P2RX1: variants seen among roughly 807,000 people sequenced by gnomAD.
P2RX1 encodes the protein purinergic receptor P2X 1, also known as P2X purinoceptor 1.
P2RX1 carries 42 observed loss-of-function variants against 50.3 expected under a neutral mutation model. The observed-to-expected ratio is 0.83, with a 90% CI of 0.65 to 1.08. P2RX1 has a LOEUF of 1.08. P2RX1 is among the 50% of genes least tolerant of loss of function. The pLI is 0.00. For synonymous variants in P2RX1, 199 were observed against 202.6 expected, an observed-to-expected ratio of 0.98 and a Z score of 0.15; for missense variants, 449 against 529.0, an observed-to-expected ratio of 0.85 and a Z score of 1.48.
In P2RX1 at chr17:3,897,545, G is replaced by C. The variant is rs893655109; in HGVS notation, c.*269C>G. 1.0e-5 allele frequency: 6 copies of C among 572,062 alleles called. No individual in the cohort carries two copies. The highest frequency in any genetic ancestry group is 6.0e-5 in the Admixed American group (2 of 33,096). The allele number at this position is 572,062 out of a possible 1,614,324, so 35.4% of individuals were successfully genotyped here. A position where few individuals can be genotyped will look rare whatever the true frequency, so the allele number is the denominator to read the frequency against. ...AAGCACGAAGCTAGGGTGCAGGTGTGTGGGAGGGTCCTGCCCAGCCCCAGC... is the reference window on the plus strand; with the variant it reads ...AAGCACGAAGCTAGGGTGCAGGTGTCTGGGAGGGTCCTGCCCAGCCCCAGC... On this transcript the variant is annotated 3_prime_UTR_variant, in exon 12 of 12. Transcript: ENST00000225538.
At chr17:3,915,884 C>T (rs777757713) in intron 1 of P2RX1, 123 of 713,518 alleles carry the variant, frequency 1.7e-4, no homozygotes, top group East Asian at 1.5e-3. Context: ...CGAAGGCCCC[C>T]GGGCAGGGCT....
At chr17:3,899,817 T>G in intron 7 of P2RX1, 56 bp from the exon 8 acceptor site, 1 of 1,602,904 alleles carries the variant, frequency 6.2e-7, no homozygotes, top group Non-Finnish European at 8.5e-7. Context: ...AACCCCTGTC[T>G]CAGCCGGGCG....
At position 3,903,958 on chromosome 17, in the gene P2RX1, C is replaced by T. The variant is rs773419785; in HGVS notation, c.494G>A (p.Cys165Tyr). Reference protein sequence around the residue: ...TVKTCEIFGWCPVEVDDDIPR... With the variant: ...TVKTCEIFGWYPVEVDDDIPR... ...GATGTCGTCATCCACCTCCACGGGG[C>T]ACCAGCCAAAGATCTCACACGTCTT... The change falls in exon 5 of 12, where the codon TGC becomes TAC. Residue 165 changes from cysteine (C) to tyrosine (Y), a missense_variant. Cys to Tyr is a radical substitution (Grantham distance 194, BLOSUM62 -2). Transcript: ENST00000225538. This position sits in a 1 kb window ranked among gnomAD's most constrained non-coding sequence, Gnocchi z 4.6. 3.7e-6 allele frequency: 6 copies of T among 1,613,920 alleles called. No homozygotes were observed. Among genetic ancestry groups the T allele is most frequent in the Non-Finnish European group, 5.1e-6 (6 of 1,179,930 alleles).
chr17:3,911,933 C>T (rs928478968), intron 1 of P2RX1, among the ~76,000 whole-genome samples: 1 of 152,140 alleles, frequency 6.6e-6, no homozygotes, highest in African/African-American at 2.4e-5. Context: ...GCACGGGACC[C>T]GACCCCGGCC....
chr17:3,910,190 G>A (rs2056339407), intron 1 of P2RX1, among the ~76,000 whole-genome samples: 1 of 151,986 alleles, frequency 6.6e-6, no homozygotes, highest in East Asian at 1.9e-4. Flanking sequence ...GGCCAGGCTG[G>A]TCTTGAACTC....
intron 1 of P2RX1, among the ~76,000 whole-genome samples, chr17:3,913,613 ACTCTGTCCAT>A (rs66508358): frequency 0.2 from 30,469 of 151,724 alleles, 3,502 homozygotes; most frequent in East Asian, 0.33. Context: ...AGCCTCAGTA[ACTCTGTCCAT>A]CTCTGAGTCT....
chr17:3,902,816 C>A (rs904675027), intron 7 of P2RX1, among the ~76,000 whole-genome samples: 2 of 151,290 alleles, frequency 1.3e-5, no homozygotes, highest in Non-Finnish European at 2.9e-5. Flanking sequence ...ACCATGTTGG[C>A]CAGACTAGTC....
In P2RX1 at chr17:3,914,949, G is replaced by A. The variant is rs1192834500; in HGVS notation, c.137+1140C>T. On this transcript the variant is annotated intron_variant, in intron 1 of 11. Transcript: ENST00000225538. The surrounding 1 kb of genome is among the most constrained non-coding windows in gnomAD (Gnocchi z 4.1). ...GCTCTGAGGTTCTGGGGACTGGTGG[G>A]ACAGAAGGAGGGCTCTTTTGGACGC... Among the ~76,000 whole-genome samples, 1 of 152,190 alleles carries A rather than the reference G, an allele frequency of 6.6e-6. No individual in the cohort carries two copies. Among genetic ancestry groups the A allele is most frequent in the Non-Finnish European group, 1.5e-5 (1 of 68,028 alleles).
At chr17:3,901,326 C>G (rs1407302046) in intron 7 of P2RX1, among the ~76,000 whole-genome samples, 3 of 152,230 alleles carry the variant, frequency 2.0e-5, no homozygotes, top group African/African-American at 2.4e-5. Flanking sequence ...CTTGGCCTCC[C>G]AAAGTGCTGG....
rs2143943881 is a variant in P2RX1, at chr17:3,897,778, T to A, written c.*36A>T. The A allele has an allele frequency of 1.9e-6, 3 of 1,601,552 alleles. No individual in the cohort carries two copies. The highest frequency in any genetic ancestry group is 1.3e-5 in the African/African-American group (1 of 74,692). ...CCCACCAGGGCTCCAGGCTGAAGCC[T>A]CACGCTGCACCCAGTCAGGAGTTGG... On this transcript the variant is annotated 3_prime_UTR_variant, in exon 12 of 12. Coordinates refer to ENST00000225538, the MANE Select transcript of P2RX1 (RefSeq NM_002558.4).
intron 7 of P2RX1, among the ~76,000 whole-genome samples, chr17:3,902,154 A>T (rs1697203492): frequency 6.6e-6 from 1 of 152,160 alleles, no homozygotes; most frequent in South Asian, 2.1e-4. Flanking sequence ...AGACGGAGTC[A>T]TTCTGTCGCC....
At chr17:3,904,112 C>G in intron 4 of P2RX1, 88 bp from the exon 5 acceptor site, 2 of 1,178,270 alleles carry the variant, frequency 1.7e-6, no homozygotes, top group South Asian at 2.5e-5. Context: ...AGTGACGGGC[C>G]ACTCAAGCAA....
chr17:3,911,709 C>T (rs1252186951), intron 1 of P2RX1, among the ~76,000 whole-genome samples: 4 of 152,232 alleles, frequency 2.6e-5, no homozygotes, highest in Non-Finnish European at 5.9e-5. Flanking sequence ...TCGCCATCGC[C>T]CCTGCTCTCC....
rs756484806 is a variant in P2RX1 at position 3,904,397 on chromosome 17, G to A, written c.360C>T (p.His120=). 2 of 1,613,584 alleles carry A rather than the reference G, an allele frequency of 1.2e-6. No homozygotes were observed. Among genetic ancestry groups the A allele is most frequent in the African/African-American group, 1.3e-5 (1 of 74,916 alleles). Residue 120 remains histidine (H), a splice_region_variant and synonymous_variant, in exon 4 of 12, where the codon CAC becomes CAT. Transcript: ENST00000225538. ...PKQTQGYCAE[H]PEGGICKEDS... Reference sequence around the variant, plus strand: ...CTTCCTTGCATATGCCCCCTTCTGGGTGCTGGGGGAGGCAAAAGCTGCTGG... The same window carrying A: ...CTTCCTTGCATATGCCCCCTTCTGGATGCTGGGGGAGGCAAAAGCTGCTGG...
chr17:3,903,284 G>T lies in P2RX1; in HGVS notation c.665C>A (p.Thr222Asn), dbSNP rs755018057. The change falls in exon 7 of 12, where the codon ACC (threonine) becomes AAC (asparagine). Residue 222 changes from threonine to asparagine, a missense_variant. Coordinates refer to ENST00000225538, the MANE Select transcript of P2RX1 (RefSeq NM_002558.4). This position sits in a 1 kb window ranked among gnomAD's most constrained non-coding sequence, Gnocchi z 4.6. The stretch of plus-strand genomic sequence containing the variant: ...GAAGACTGGGCACAGGGGGTGCAGG[G>T]TCTTGTGAAAGAGGCAGGTCTTCAT... ...AHMKTCLFHKTLHPLCPVFQL... is the reference protein window; with the variant it reads ...AHMKTCLFHKNLHPLCPVFQL... 2.5e-6 allele frequency: 4 copies of T among 1,614,164 alleles called. No homozygotes were observed. Among genetic ancestry groups the T allele is most frequent in the Non-Finnish European group, 2.5e-6 (3 of 1,180,028 alleles).
chr17:3,913,822 C>T (rs1159565953), intron 1 of P2RX1, among the ~76,000 whole-genome samples: 3 of 151,990 alleles, frequency 2.0e-5, no homozygotes, highest in Admixed American at 2.0e-4. Flanking sequence ...GCAAAGCCCT[C>T]CTCAGGAAAC....
At chr17:3,898,594 G>C (rs1185754573) in intron 9 of P2RX1, 45 bp from the exon 10 acceptor site, 3 of 1,503,308 alleles carry the variant, frequency 2.0e-6, no homozygotes. Flanking sequence ...GTCGGAAGGG[G>C]CCCAGCTGGA....
chr17:3,903,928 C>G lies in P2RX1; in HGVS notation c.524G>C (p.Arg175Pro). The change falls in exon 5 of 12, where the codon CGC becomes CCC. Residue 175 changes from arginine (R) to proline (P), a missense_variant and splice_region_variant. Physicochemically the swap from Arg to Pro is moderately radical, Grantham distance 103 (BLOSUM62 -2). Coordinates refer to ENST00000225538, the MANE Select transcript of P2RX1 (RefSeq NM_002558.4). This position sits in a 1 kb window ranked among gnomAD's most constrained non-coding sequence, Gnocchi z 4.6. ...CPVEVDDDIP[R>P]PALLREAENF... Reference sequence around the variant, plus strand: ...GCTCTCTGGAAGGTCAGAGTGTTACCGCGGGATGTCGTCATCCACCTCCAC... The same window carrying G: ...GCTCTCTGGAAGGTCAGAGTGTTACGGCGGGATGTCGTCATCCACCTCCAC... The G allele has an allele frequency of 1.9e-6, 3 of 1,611,198 alleles. No homozygotes were observed. Among genetic ancestry groups the G allele is most frequent in the Admixed American group, 3.3e-5 (2 of 60,022 alleles).
intron 1 of P2RX1, among the ~76,000 whole-genome samples, chr17:3,913,865 G>GC (rs1216194019): frequency 6.6e-6 from 1 of 152,078 alleles, no homozygotes; most frequent in Non-Finnish European, 1.5e-5. Context: ...ACTCTTGGGG[G>GC]GGGTGGTCCC....
Sources: allele counts gnomAD v4.1 joint callset (sites outside exome capture counted in the v4.1 genomes callset), GRCh38; gene constraint gnomAD v4.1.1; non-coding constraint Gnocchi (gnomAD v3.1); transcripts MANE v1.5; gene names NCBI Gene and HGNC (gene_info 2026-07-23, HGNC 2026-07-21).